SUPT3H: variants seen among roughly 807,000 people sequenced by gnomAD.
The protein encoded by SUPT3H is SPT3 homolog, SAGA and STAGA complex component, also known as transcription initiation protein SPT3 homolog.
In SUPT3H, 44 loss-of-function variants were observed where a neutral mutation model predicts 44.3. That is an observed-to-expected ratio of 0.99 (90% CI 0.78 to 1.28). The LOEUF (loss-of-function observed/expected upper bound fraction) is 1.28. SUPT3H is among the 50% of genes most tolerant of loss of function. The pLI is 0.00. For synonymous variants in SUPT3H, 124 were observed against 125.6 expected (o/e 0.99, Z 0.09); for missense variants, 380 against 387.1 (o/e 0.98, Z 0.15).
intron 2 of SUPT3H, among the ~76,000 whole-genome samples, chr6:45,362,069 C>T (rs990115438): frequency 6.6e-6 from 1 of 152,092 alleles, no homozygotes; most frequent in African/African-American, 2.4e-5. Context: ...ACAACAACAA[C>T]AACAACAACA....
At chr6:45,300,117 G>C (rs769874420) in intron 2 of SUPT3H, among the ~76,000 whole-genome samples, 32 of 152,100 alleles carry the variant, frequency 2.1e-4, no homozygotes, top group Non-Finnish European at 3.7e-4. Flanking sequence ...AATGTAAAAA[G>C]GGACAACCAA....
intron 3 of SUPT3H, among the ~76,000 whole-genome samples, chr6:45,083,811 C>A (rs1336644891): frequency 6.6e-6 from 1 of 152,104 alleles, no homozygotes; most frequent in African/African-American, 2.4e-5. Context: ...ACCATCTGAT[C>A]TTTGACAAAG....
intron 3 of SUPT3H, among the ~76,000 whole-genome samples, chr6:45,073,517 T>C (rs1338130095): frequency 3.3e-5 from 5 of 151,944 alleles, no homozygotes; most frequent in Non-Finnish European, 5.9e-5. Context: ...ACTGATAAAA[T>C]ATATTTAATG....
chr6:45,276,223 T>C (rs1223582469), intron 2 of SUPT3H, among the ~76,000 whole-genome samples: 1 of 152,154 alleles, frequency 6.6e-6, no homozygotes, highest in African/African-American at 2.4e-5. Flanking sequence ...AAACACACTC[T>C]GCAGACATAT....
Position 45,335,459 on chromosome 6 carries a change from T to C in SUPT3H, c.101+29742A>G, listed in dbSNP as rs140710009. Among the ~76,000 whole-genome samples the C allele has an allele frequency of 3.0e-3, 453 of 151,352 alleles. 2 individuals carry two copies. The highest frequency in any genetic ancestry group is 5.5e-3 in the Non-Finnish European group (369 of 67,344). ...AAAAGGTACACAGTATGGATTCTCT[T>C]CAATCAATTACAATTTTATTATAAG... On this transcript the variant is annotated intron_variant, in intron 2 of 10. Coordinates refer to ENST00000371459, the MANE Select transcript of SUPT3H (RefSeq NM_003599.4).
chr6:45,190,524 T>C (rs2153618581), intron 2 of SUPT3H, among the ~76,000 whole-genome samples: 1 of 152,294 alleles, frequency 6.6e-6, no homozygotes, highest in South Asian at 2.1e-4. Flanking sequence ...AAGACTTTGT[T>C]GGGTTATTCT....
intron 4 of SUPT3H, among the ~76,000 whole-genome samples, chr6:45,019,982 A>C (rs1461189168): frequency 6.6e-6 from 1 of 151,990 alleles, no homozygotes; most frequent in Non-Finnish European, 1.5e-5. Flanking sequence ...TAGACACACA[A>C]ATATCAGCTT....
At chr6:45,171,995 C>A (rs77821361) in intron 2 of SUPT3H, among the ~76,000 whole-genome samples, 3 of 151,200 alleles carry the variant, frequency 2.0e-5, no homozygotes, top group Non-Finnish European at 4.4e-5. Context: ...GGATTACATG[C>A]GTGAGCCACC....
chr6:45,038,712 T>C (rs1788062011), intron 3 of SUPT3H, among the ~76,000 whole-genome samples: 1 of 152,116 alleles, frequency 6.6e-6, no homozygotes, highest in Non-Finnish European at 1.5e-5. Flanking sequence ...TATTTTTCAA[T>C]ATAAACAAGG....
At chr6:45,148,341 G>GTC (rs1325066782) in intron 2 of SUPT3H, among the ~76,000 whole-genome samples, 1 of 152,128 alleles carries the variant, frequency 6.6e-6, no homozygotes, top group African/African-American at 2.4e-5. Flanking sequence ...TGAGAGTTAA[G>GTC]TAATGTGCAA....
At chr6:45,210,135 A>C (rs866592300) in intron 2 of SUPT3H, among the ~76,000 whole-genome samples, 3 of 152,306 alleles carry the variant, frequency 2.0e-5, no homozygotes, top group Middle Eastern at 6.8e-3. Context: ...AAGGAAAATA[A>C]ATCTCGGGAC....
Position 44,842,421 on chromosome 6 carries a change from A to G in SUPT3H, c.913-12564T>C, listed in dbSNP as rs73735224. On this transcript the variant is annotated intron_variant, in intron 10 of 10. Transcript: ENST00000371459. ...TCATTAATAAATAATGTTTATTAAC[A>G]TTTATTTAGAAATAAATGTTTCCTC... is the stretch of plus-strand genomic sequence containing the variant. Among the ~76,000 whole-genome samples the G allele has an allele frequency of 3.9e-3, 598 of 152,232 alleles. 7 individuals are homozygous for G. Among genetic ancestry groups the G allele is most frequent in the African/African-American group, 0.014 (569 of 41,550 alleles).
intron 2 of SUPT3H, among the ~76,000 whole-genome samples, chr6:45,292,014 A>C (rs1011395130): frequency 6.6e-6 from 1 of 152,206 alleles, no homozygotes; most frequent in Non-Finnish European, 1.5e-5. Flanking sequence ...AAGATGAAGG[A>C]AAGAATTTTA....
chr6:44,931,998 T>C (rs929002752), intron 10 of SUPT3H, among the ~76,000 whole-genome samples: 4 of 152,178 alleles, frequency 2.6e-5, no homozygotes, highest in African/African-American at 7.2e-5. Context: ...TACTTCCTTA[T>C]AAACAGAGTA....
At chr6:45,024,401 G>T (rs1339739718) in intron 3 of SUPT3H, among the ~76,000 whole-genome samples, 9 of 151,204 alleles carry the variant, frequency 6.0e-5, no homozygotes, top group African/African-American at 2.2e-4. Context: ...TCTTCTCAGG[G>T]GTCTTGAATG....
chr6:45,091,549 C>A (rs1583486417), intron 3 of SUPT3H, among the ~76,000 whole-genome samples: 1 of 152,014 alleles, frequency 6.6e-6, no homozygotes, highest in Admixed American at 6.6e-5. Context: ...TCCCTATCTA[C>A]TACTTATAAG....
At chr6:45,216,918 C>T (rs769919968) in intron 2 of SUPT3H, among the ~76,000 whole-genome samples, 24 of 152,152 alleles carry the variant, frequency 1.6e-4, no homozygotes, top group Non-Finnish European at 2.9e-4. Context: ...TGTTCTCACT[C>T]ACATGTGGAA....
At chr6:44,819,841 G>A (rs949466444) in intron 11 of SUPT3H, among the ~76,000 whole-genome samples, 1 of 152,142 alleles carries the variant, frequency 6.6e-6, no homozygotes. Context: ...TGCAACATAT[G>A]AAGTGATAAA....
intron 2 of SUPT3H, among the ~76,000 whole-genome samples, chr6:45,243,152 C>T (rs138797367): frequency 5.9e-5 from 8 of 134,728 alleles, no homozygotes; most frequent in African/African-American, 1.9e-4. Context: ...TGAGATAGAT[C>T]GTGCCACTGC....
Sources: allele counts gnomAD v4.1 joint callset (sites outside exome capture counted in the v4.1 genomes callset), GRCh38; gene constraint gnomAD v4.1.1; transcripts MANE v1.5; gene names NCBI Gene and HGNC (gene_info 2026-07-23, HGNC 2026-07-21).